The following ANKRD45 variants were observed in gnomAD, a reference collection of about 807,000 sequenced individuals.
ANKRD45 encodes the protein ankyrin repeat domain 45, also known as ankyrin repeat domain-containing protein 45.
Under a neutral mutation model 28.1 loss-of-function variants are expected in ANKRD45, and 21 were observed. That is an observed-to-expected ratio of 0.75 (90% CI 0.53 to 1.08). The LOEUF (loss-of-function observed/expected upper bound fraction) is 1.08. Ranked by LOEUF, ANKRD45 falls within the 50% of genes least tolerant of loss-of-function variation. The probability of loss-of-function intolerance (pLI) is 0.00; values close to 1 mark genes in which losing one functional copy is unlikely to be tolerated. For synonymous variants in ANKRD45, 86 were observed against 103.9 expected (o/e 0.83, Z 1.05); for missense variants, 261 against 308.7 (o/e 0.85, Z 1.16).
chr1:173,695,603 A>G, the ANKRD45 span, among the ~76,000 whole-genome samples: 3 of 152,176 alleles, frequency 2.0e-5, no homozygotes, highest in African/African-American at 4.8e-5. Context: ...CAATCCATCA[A>G]TGATGGGCAC....
At chr1:173,649,710 GT>G (rs1181362124) in intron 2 of ANKRD45, among the ~76,000 whole-genome samples, 1 of 152,088 alleles carries the variant, frequency 6.6e-6, no homozygotes, top group African/African-American at 2.4e-5. Context: ...AAGATATTCT[GT>G]GATGTCTCAA....
chr1:173,697,675 T>C, the ANKRD45 span, among the ~76,000 whole-genome samples: 1 of 152,164 alleles, frequency 6.6e-6, no homozygotes. Flanking sequence ...GCACTAAACA[T>C]GGAAAGGAAC....
intron 3 of ANKRD45, among the ~76,000 whole-genome samples, chr1:173,644,731 A>T (rs970500271): frequency 3.3e-4 from 51 of 152,324 alleles, no homozygotes; most frequent in African/African-American, 1.2e-3. Context: ...ATGGTGGCTC[A>T]TGCCTGTAAT....
At chr1:173,712,104 C>T in the ANKRD45 span, among the ~76,000 whole-genome samples, 2 of 152,138 alleles carry the variant, frequency 1.3e-5, no homozygotes, top group African/African-American at 4.8e-5. Flanking sequence ...ATAAGCAATT[C>T]ACAGAAGGGA....
chr1:173,612,558 T>A (rs12138896), intron 5 of ANKRD45: 25,446 of 152,182 alleles, frequency 0.17, 2,827 homozygotes, highest in Non-Finnish European at 0.24. Flanking sequence ...CTAATTTTTT[T>A]AAAAAAGACA....
chr1:173,610,772 C>T (rs936723183), intron 5 of ANKRD45, among the ~76,000 whole-genome samples: 8 of 151,756 alleles, frequency 5.3e-5, no homozygotes, highest in African/African-American at 1.9e-4. Flanking sequence ...GCCTGGGTAA[C>T]ATAGCAAGAC....
At chr1:173,612,180 G>T (rs1234440350) in intron 5 of ANKRD45, among the ~76,000 whole-genome samples, 2 of 152,096 alleles carry the variant, frequency 1.3e-5, no homozygotes. Context: ...GGGAGGTTGA[G>T]GCTGCAGTGA....
intron 3 of ANKRD45, among the ~76,000 whole-genome samples, chr1:173,628,908 C>T (rs1318521970): frequency 1.3e-5 from 2 of 152,168 alleles, no homozygotes; most frequent in Non-Finnish European, 2.9e-5. Context: ...TCTTACCCCT[C>T]CCCCAGTTCT....
chr1:173,691,647 T>A, the ANKRD45 span, among the ~76,000 whole-genome samples: 11,144 of 151,842 alleles, frequency 0.073, 1,361 homozygotes, highest in African/African-American at 0.25. Context: ...TTAGCCAGGC[T>A]TGGTGGTGGG....
At chr1:173,619,827 C>CA (rs112235355) in intron 5 of ANKRD45, among the ~76,000 whole-genome samples, 3,066 of 90,548 alleles carry the variant, frequency 0.034, 76 homozygotes, top group African/African-American at 0.095. Flanking sequence ...GACTCCATCT[C>CA]AAAAAAAAAA....
the ANKRD45 span, among the ~76,000 whole-genome samples, chr1:173,687,368 C>T: frequency 2.0e-5 from 3 of 151,914 alleles, no homozygotes; most frequent in African/African-American, 7.3e-5. Context: ...TCTGACTTGT[C>T]ACAAACATCC....
At chr1:173,673,078 A>T (rs1333975518), upstream of ANKRD45, among the ~76,000 whole-genome samples, 2 of 151,974 alleles carry the variant, frequency 1.3e-5, no homozygotes, top group Non-Finnish European at 2.9e-5. Flanking sequence ...CCCTCAGAAT[A>T]GAAATTATTG....
intron 1 of ANKRD45, among the ~76,000 whole-genome samples, chr1:173,666,018 AAAC>A (rs913167736): frequency 2.0e-5 from 3 of 152,192 alleles, no homozygotes; most frequent in African/African-American, 4.8e-5. Flanking sequence ...TGTCTCCAAA[AAAC>A]AACAACAAAA....
the ANKRD45 span, among the ~76,000 whole-genome samples, chr1:173,680,560 G>A: frequency 6.6e-6 from 1 of 151,910 alleles, no homozygotes; most frequent in Non-Finnish European, 1.5e-5. Context: ...GTTGATGGGT[G>A]CAGCAAACCA....
chr1:173,709,634 CT>C, the ANKRD45 span, among the ~76,000 whole-genome samples: 106 of 146,418 alleles, frequency 7.2e-4, no homozygotes, highest in Admixed American at 1.5e-3. Flanking sequence ...TAGATGTTTT[CT>C]TTTTTTTTTT....
chr1:173,706,213 A>C, the ANKRD45 span, among the ~76,000 whole-genome samples: 1 of 149,080 alleles, frequency 6.7e-6, no homozygotes, highest in Non-Finnish European at 1.5e-5. Flanking sequence ...GAGGTAGGAG[A>C]ATTGCTTGAA....
chr1:173,613,002 C>T (rs1667243922), intron 5 of ANKRD45, among the ~76,000 whole-genome samples: 1 of 152,114 alleles, frequency 6.6e-6, no homozygotes, highest in African/African-American at 2.4e-5. Flanking sequence ...CAGCCTCTGC[C>T]CGGCCGCCAC....
chr1:173,659,219 AT>A lies in ANKRD45; in HGVS notation c.199del (p.Met67CysfsTer5). 1 of 1,614,194 alleles carries A rather than the reference AT, an allele frequency of 6.2e-7. No homozygotes were observed. Among genetic ancestry groups the A allele is most frequent in the Non-Finnish European group, 8.5e-7 (1 of 1,180,020 alleles). ...GATGTCTTCTTCTAAGAGAAGCTGCATGGCCTGTTCATGATGAGGATTCTCA... is the reference window on the plus strand; with the variant it reads ...GATGTCTTCTTCTAAGAGAAGCTGCAGGCCTGTTCATGATGAGGATTCTCA... ...DPENPHHEQA[M>X]QLLLEEDIVG... On this transcript the variant is annotated frameshift_variant, in exon 2 of 6. Coordinates refer to ENST00000333279, the MANE Select transcript of ANKRD45 (RefSeq NM_198493.3). LOFTEE classifies it high-confidence loss of function.
the ANKRD45 span, among the ~76,000 whole-genome samples, chr1:173,713,117 C>A: frequency 6.6e-6 from 1 of 152,134 alleles, no homozygotes; most frequent in African/African-American, 2.4e-5. Context: ...GAAAAGAAAT[C>A]ATTTTACTGC....
Sources: gnomAD v4.1 joint callset for allele counts (sites outside exome capture counted in the v4.1 genomes callset) on GRCh38, gnomAD v4.1.1 for gene constraint, MANE v1.5 for transcripts, NCBI Gene and HGNC (gene_info 2026-07-23, HGNC 2026-07-21) for gene names.